The following NR3C2 variants were observed in gnomAD, a reference collection of about 807,000 sequenced individuals.
NR3C2 encodes the protein mineralocorticoid receptor.
A neutral mutation model predicts 86.4 loss-of-function variants in NR3C2; 15 were observed. The observed-to-expected ratio is 0.17, with a 90% CI of 0.12 to 0.27. NR3C2 has a LOEUF of 0.27. NR3C2 is among the 10% of genes least tolerant of loss of function. NR3C2 has a pLI of 1.00. For synonymous variants in NR3C2, 458 were observed against 450.5 expected, an observed-to-expected ratio of 1.02 and a Z score of -0.21; for missense variants, 960 against 1,195.6, an observed-to-expected ratio of 0.80 and a Z score of 2.91.
At chr4:148,101,051 G>A (rs1212360993) in intron 8 of NR3C2, among the ~76,000 whole-genome samples, 3 of 152,148 alleles carry the variant, frequency 2.0e-5, no homozygotes, top group African/African-American at 7.2e-5. Flanking sequence ...GGGAGTTTTA[G>A]TTTTGCAGGA....
intron 2 of NR3C2, among the ~76,000 whole-genome samples, chr4:148,389,448 C>T (rs1747428914): frequency 6.6e-6 from 1 of 152,114 alleles, no homozygotes; most frequent in African/African-American, 2.4e-5. Flanking sequence ...AATTTACCGT[C>T]TCTCCTCTTT....
chr4:148,245,421 C>T (rs1237359392), intron 3 of NR3C2, among the ~76,000 whole-genome samples: 1 of 152,138 alleles, frequency 6.6e-6, no homozygotes, highest in Non-Finnish European at 1.5e-5. Flanking sequence ...CAATTCCTAG[C>T]TCTGTCCTTC....
At chr4:148,092,360 T>TAA (rs1731097422) in intron 8 of NR3C2, among the ~76,000 whole-genome samples, 1 of 152,196 alleles carries the variant, frequency 6.6e-6, no homozygotes, top group African/African-American at 2.4e-5. Flanking sequence ...GTGCAGCTCC[T>TAA]TAAACAGCGG....
chr4:148,324,361 G>A (rs1579160191), intron 2 of NR3C2, among the ~76,000 whole-genome samples: 1 of 90,576 alleles, frequency 1.1e-5, no homozygotes, highest in Non-Finnish European at 2.4e-5. Context: ...GTGTGTGTGT[G>A]TGTGTTTGTG....
intron 2 of NR3C2, among the ~76,000 whole-genome samples, chr4:148,370,816 A>G (rs1746381247): frequency 6.6e-6 from 1 of 152,142 alleles, no homozygotes; most frequent in Non-Finnish European, 1.5e-5. Flanking sequence ...AAAAGTTTTC[A>G]CCAATTTACA....
Position 148,435,899 on chromosome 4 carries a change from G to C in NR3C2, c.962C>G (p.Thr321Arg), listed in dbSNP as rs776290874. Reference protein sequence around the residue: ...SSPSNTNNRSTLSSPAASTVG... With the variant: ...SSPSNTNNRSRLSSPAASTVG... The stretch of plus-strand genomic sequence containing the variant: ...AGTACTGGCTGCCGGACTGGAAAGC[G>C]TGGATCTGTTATTAGTGTTCGAAGG... Residue 321 changes from threonine to arginine, a missense_variant, in exon 2 of 9, where the codon ACG (threonine) becomes AGG (arginine). Physicochemically the swap from Thr to Arg is moderately conservative, Grantham distance 71 (BLOSUM62 -1). Around this residue, in one of 4 missense-constraint regions of NR3C2, gnomAD observed 680 missense variants for 719.0 expected, o/e 0.95. Coordinates refer to ENST00000358102, the MANE Select transcript of NR3C2 (RefSeq NM_000901.5). 1 of 1,614,050 alleles carries C rather than the reference G, an allele frequency of 6.2e-7. No individual in the cohort carries two copies. The highest frequency in any genetic ancestry group is 8.5e-7 in the Non-Finnish European group (1 of 1,180,028).
intron 7 of NR3C2, 68 bp from the exon 8 acceptor site, chr4:148,114,329 A>T (rs1346638653): frequency 1.3e-6 from 2 of 1,542,662 alleles, no homozygotes; most frequent in African/African-American, 2.7e-5. Flanking sequence ...TGGCAGGTAA[A>T]GTCATATACT....
Position 148,102,444 on chromosome 4 carries a change from C to G in NR3C2, c.2799+11660G>C, listed in dbSNP as rs1040441478. ...CGTCCTAAACAAGCTCTTCATCCCC[C>G]CTCCCAGATCTCCTGGCCCTGAGCC... On this transcript the variant is annotated intron_variant, in intron 8 of 8. Transcript: ENST00000358102. Among the ~76,000 whole-genome samples the G allele has an allele frequency of 2.6e-5, 4 of 152,180 alleles. No homozygotes were observed. In the South Asian group the frequency reaches 6.2e-4, roughly 24 times the overall value.
chr4:148,300,697 C>T (rs996645190), intron 2 of NR3C2, among the ~76,000 whole-genome samples: 24 of 151,824 alleles, frequency 1.6e-4, no homozygotes, highest in African/African-American at 5.8e-4. Context: ...CTCAGCCTCC[C>T]AAGTAGCCGG....
At chr4:148,349,546 T>C (rs1745165715) in intron 2 of NR3C2, among the ~76,000 whole-genome samples, 1 of 152,080 alleles carries the variant, frequency 6.6e-6, no homozygotes, top group Admixed American at 6.6e-5. Context: ...ACAAAATAGA[T>C]GACAAATACC....
In NR3C2 at chr4:148,287,281, G is replaced by T. The variant is rs1579108987; in HGVS notation, c.1758-27164C>A. On this transcript the variant is annotated intron_variant, in intron 2 of 8. Transcript: ENST00000358102. ...AGCCCCTTATTAAAGCTCTGGGAAG[G>T]CTTCCTATCTGATGCTCTGCCAGAC... Among the ~76,000 whole-genome samples the T allele has an allele frequency of 5.9e-5, 9 of 152,238 alleles. No homozygotes were observed. In the South Asian group the frequency reaches 1.9e-3, roughly 32 times the overall value.
intron 2 of NR3C2, among the ~76,000 whole-genome samples, chr4:148,412,815 ATG>A: frequency 1.4e-5 from 1 of 72,424 alleles, no homozygotes; most frequent in East Asian, 3.8e-4. Context: ...ACAGGTGCAC[ATG>A]TGCGCACACA....
intron 2 of NR3C2, among the ~76,000 whole-genome samples, chr4:148,412,314 T>C (rs1420196216): frequency 6.6e-6 from 1 of 152,222 alleles, no homozygotes; most frequent in Non-Finnish European, 1.5e-5. Flanking sequence ...ATGTATCCCC[T>C]TAATCACTTA....
intron 2 of NR3C2, among the ~76,000 whole-genome samples, chr4:148,317,392 A>G (rs1220831225): frequency 6.6e-6 from 1 of 152,070 alleles, no homozygotes; most frequent in East Asian, 1.9e-4. Context: ...AAGAAAAAAG[A>G]AAAAAGACTA....
intron 2 of NR3C2, among the ~76,000 whole-genome samples, chr4:148,265,634 A>G (rs1740346226): frequency 1.3e-5 from 2 of 152,198 alleles, no homozygotes; most frequent in Non-Finnish European, 2.9e-5. Flanking sequence ...CTTTTATACT[A>G]TTACTTAATC....
intron 2 of NR3C2, among the ~76,000 whole-genome samples, chr4:148,318,485 C>A (rs1159484210): frequency 1.3e-5 from 2 of 149,552 alleles, no homozygotes; most frequent in Non-Finnish European, 3.0e-5. Context: ...AGTTTACAGT[C>A]CCACCAACAG....
intron 2 of NR3C2, among the ~76,000 whole-genome samples, chr4:148,356,413 GA>G (rs771016757): frequency 2.6e-5 from 4 of 152,192 alleles, no homozygotes; most frequent in Non-Finnish European, 5.9e-5. Flanking sequence ...CTCATTTGAA[GA>G]AGACAGACAT....
chr4:148,437,991 G>A (rs1750158863), intron 1 of NR3C2, among the ~76,000 whole-genome samples: 2 of 152,252 alleles, frequency 1.3e-5, no homozygotes, highest in South Asian at 4.1e-4. Flanking sequence ...CAAGCTTCTT[G>A]CATATATTAA....
At chr4:148,322,873 T>C in intron 2 of NR3C2, among the ~76,000 whole-genome samples, 1 of 101,862 alleles carries the variant, frequency 9.8e-6, no homozygotes, top group African/African-American at 3.9e-5. Flanking sequence ...CCTTCTTCTC[T>C]GAGCTCGTCA....
Sources: allele counts gnomAD v4.1 joint callset (sites outside exome capture counted in the v4.1 genomes callset), GRCh38; gene constraint gnomAD v4.1.1; regional missense constraint gnomAD v4.1.1; transcripts MANE v1.5; gene names NCBI Gene and HGNC (gene_info 2026-07-23, HGNC 2026-07-21).